Variants in PKHD1 observed in about 807,000 individuals in gnomAD.
PKHD1 encodes PKHD1 ciliary IPT domain containing fibrocystin/polyductin.
PKHD1 carries 291 observed loss-of-function variants against 412.0 expected under a neutral mutation model. The observed-to-expected ratio is 0.71, with a 90% confidence interval of 0.64 to 0.78. The LOEUF is 0.78. PKHD1 is among the 30% of genes least tolerant of loss of function. The probability of loss-of-function intolerance (pLI) is 0.00; values close to 1 mark genes in which losing one functional copy is unlikely to be tolerated. For missense variants in PKHD1, 4,825 were observed against 4,950.7 expected, an observed-to-expected ratio of 0.97 and a Z score of 0.76; for synonymous variants, 1,777 against 1,821.5, an observed-to-expected ratio of 0.98 and a Z score of 0.62.
At chr6:51,815,887 C>T (rs1765376618) in intron 52 of PKHD1, among the ~76,000 whole-genome samples, 3 of 152,172 alleles carry the variant, frequency 2.0e-5, no homozygotes, top group Non-Finnish European at 2.9e-5. Context: ...AAATTTCTCA[C>T]TTTATATTTT....
chr6:51,684,076 C>T (rs1777091721), intron 60 of PKHD1, among the ~76,000 whole-genome samples: 1 of 152,066 alleles, frequency 6.6e-6, no homozygotes, highest in Admixed American at 6.6e-5. Flanking sequence ...CATGTTCCAG[C>T]TATTCTGAAA....
chr6:51,864,131 T>A (rs1774657743), intron 48 of PKHD1, among the ~76,000 whole-genome samples: 1 of 152,096 alleles, frequency 6.6e-6, no homozygotes. Context: ...CTGAACATTA[T>A]GAATTGAAGA....
chr6:52,040,333 A>G (rs563503243), intron 27 of PKHD1, among the ~76,000 whole-genome samples: 9 of 152,312 alleles, frequency 5.9e-5, no homozygotes, highest in Admixed American at 2.6e-4. Flanking sequence ...ACCTATTTCT[A>G]AGGTATACTA....
intron 39 of PKHD1, among the ~76,000 whole-genome samples, chr6:51,911,587 T>C: frequency 6.6e-6 from 1 of 152,132 alleles, no homozygotes; most frequent in Non-Finnish European, 1.5e-5. Context: ...TGTCTTTTGT[T>C]ATCTTTTTCA....
At chr6:52,054,269 TGAGA>T (rs1409106910) in intron 19 of PKHD1, 104 bp from the exon 20 acceptor site, 2 of 1,094,010 alleles carry the variant, frequency 1.8e-6, no homozygotes, top group South Asian at 1.3e-5. Context: ...CCATAGGCTC[TGAGA>T]GAGTCAGCAC....
chr6:51,969,447 T>G (rs1793331120), intron 35 of PKHD1, among the ~76,000 whole-genome samples: 1 of 152,200 alleles, frequency 6.6e-6, no homozygotes, highest in South Asian at 2.1e-4. Context: ...AGTGCAGTTT[T>G]GTTACATGGA....
rs1384135963 is a variant in PKHD1 at position 51,897,090 on chromosome 6, C to A, written c.6996+6507G>T. ...TGGAACCAAGTTGGAAAACACTCTG[C>A]AGGATATTATCCAGGAGAACTTCCC... is the stretch of plus-strand genomic sequence containing the variant. On this transcript the variant is annotated intron_variant, in intron 43 of 66. Coordinates refer to ENST00000371117, the MANE Select transcript of PKHD1 (RefSeq NM_138694.4). Among the ~76,000 whole-genome samples the A allele has an allele frequency of 2.6e-5, 4 of 151,920 alleles. No individual in the cohort carries two copies. The South Asian group carries it at 8.3e-4, about 32-fold the overall frequency.
At chr6:52,048,641 G>C in intron 22 of PKHD1, 22 bp from the exon 23 acceptor site, 1 of 1,613,806 alleles carries the variant, frequency 6.2e-7, no homozygotes, top group Non-Finnish European at 8.5e-7. Flanking sequence ...CAGAAACAAA[G>C]TATTAACGTC....
At chr6:51,828,468 A>T (rs1284791204) in intron 52 of PKHD1, among the ~76,000 whole-genome samples, 1 of 152,154 alleles carries the variant, frequency 6.6e-6, no homozygotes, top group Non-Finnish European at 1.5e-5. Flanking sequence ...CATCATTACT[A>T]TCATCGTAAA....
At chr6:51,984,739 A>AGG (rs1796001762) in intron 35 of PKHD1, among the ~76,000 whole-genome samples, 1 of 152,210 alleles carries the variant, frequency 6.6e-6, no homozygotes, top group Non-Finnish European at 1.5e-5. Flanking sequence ...AGAAATTATA[A>AGG]CCTAATCTGG....
chr6:52,059,259 C>CTTTTTTTTTTTTTTTTTTTTTT (rs55992586), intron 15 of PKHD1, among the ~76,000 whole-genome samples: 158 of 83,520 alleles, frequency 1.9e-3, no homozygotes, highest in African/African-American at 2.1e-3. Context: ...TTTTCTTTTT[C>CTTTTTTTTTTTTTTTTTTTTTT]TTTTTTTTTT....
intron 61 of PKHD1, among the ~76,000 whole-genome samples, chr6:51,652,269 T>A (rs1466678674): frequency 1.3e-5 from 2 of 152,078 alleles, no homozygotes; most frequent in Non-Finnish European, 2.9e-5. Flanking sequence ...AAGAGATCAC[T>A]CCTATTCATG....
intron 34 of PKHD1, among the ~76,000 whole-genome samples, chr6:52,016,661 A>G (rs1172356895): frequency 6.6e-6 from 1 of 151,750 alleles, no homozygotes; most frequent in African/African-American, 2.4e-5. Flanking sequence ...AAAAGAAAAG[A>G]AAAAGAAAAG....
chr6:51,903,869 T>G, intron 42 of PKHD1, 117 bp downstream of exon 42: 1 of 480,132 alleles, frequency 2.1e-6, no homozygotes, highest in Non-Finnish European at 3.4e-6. Context: ...ATTTAGAAAA[T>G]ATTTAGTATG....
intron 52 of PKHD1, among the ~76,000 whole-genome samples, chr6:51,824,982 A>G (rs1363945316): frequency 6.6e-6 from 1 of 152,212 alleles, no homozygotes; most frequent in Non-Finnish European, 1.5e-5. Context: ...AAAATAAAAT[A>G]AAATAAAGAA....
chr6:51,744,340 G>A (rs1235828065), intron 60 of PKHD1, 45 bp downstream of exon 60: 10 of 1,559,512 alleles, frequency 6.4e-6, no homozygotes, highest in Admixed American at 5.0e-5. Flanking sequence ...TCCTTCACAA[G>A]CACCCTTGCC....
In PKHD1 at chr6:51,941,037, C is replaced by T. The variant is rs946350776; in HGVS notation, c.5909-6715G>A. On this transcript the variant is annotated intron_variant, in intron 36 of 66. Transcript: ENST00000371117. ...CTTTACCCCAGTTCAAAGCCTCCTT[C>T]GCATCCTCCTCTTGTATCCCCCCCC... Among the ~76,000 whole-genome samples the T allele has an allele frequency of 3.3e-5, 5 of 151,028 alleles. No homozygotes were observed. In the East Asian group the frequency reaches 5.8e-4, roughly 18 times the overall value.
chr6:51,815,405 G>A (rs1765289050), intron 52 of PKHD1, among the ~76,000 whole-genome samples: 1 of 152,090 alleles, frequency 6.6e-6, no homozygotes, highest in African/African-American at 2.4e-5. Context: ...TTCTAGAAGA[G>A]GTGCCACCAA....
intron 61 of PKHD1, among the ~76,000 whole-genome samples, chr6:51,652,047 C>T: frequency 6.6e-6 from 1 of 152,240 alleles, no homozygotes; most frequent in Non-Finnish European, 1.5e-5. Context: ...TATCCAATTT[C>T]CAACTGCTAA....
Sources: allele counts gnomAD v4.1 joint callset (sites outside exome capture counted in the v4.1 genomes callset), GRCh38; gene constraint gnomAD v4.1.1; transcripts MANE v1.5; gene names NCBI Gene and HGNC (gene_info 2026-07-23, HGNC 2026-07-21).